SPAG16: variants seen among roughly 807,000 people sequenced by gnomAD.
The protein encoded by SPAG16 is sperm-associated antigen 16 protein.
Under a neutral mutation model 80.4 loss-of-function variants are expected in SPAG16, and 86 were observed. That is an observed-to-expected ratio of 1.07 (90% CI 0.90 to 1.28). The LOEUF is 1.28. Among genes scored for constraint, SPAG16 ranks in the 50% most tolerant of loss-of-function variants. The pLI, the probability that SPAG16 is intolerant of heterozygous loss-of-function variation, is 0.00. For missense variants in SPAG16, 870 were observed against 765.3 expected (o/e 1.14, Z -1.61); for synonymous variants, 294 against 265.9 (o/e 1.11, Z -1.03).
At chr2:213,331,144 G>A (rs1394137462) in intron 5 of SPAG16, among the ~76,000 whole-genome samples, 1 of 152,156 alleles carries the variant, frequency 6.6e-6, no homozygotes, top group Non-Finnish European at 1.5e-5. Context: ...AAGTATCTTT[G>A]CCTGTGCCTG....
At chr2:213,912,397 A>G (rs2077717660) in intron 11 of SPAG16, among the ~76,000 whole-genome samples, 1 of 152,202 alleles carries the variant, frequency 6.6e-6, no homozygotes, top group African/African-American at 2.4e-5. Context: ...AAACTATGAG[A>G]CATTTATGTA....
intron 9 of SPAG16, among the ~76,000 whole-genome samples, chr2:213,446,102 A>C (rs766733189): frequency 9.7e-4 from 148 of 152,358 alleles, no homozygotes; most frequent in Non-Finnish European, 1.1e-3. Flanking sequence ...CCGATTCCAA[A>C]GACAGAGACT....
chr2:213,799,479 T>C (rs1485922865), intron 10 of SPAG16, among the ~76,000 whole-genome samples: 4 of 152,130 alleles, frequency 2.6e-5, no homozygotes, highest in Admixed American at 2.0e-4. Context: ...CCACCCTAAA[T>C]ACATAATGAT....
chr2:213,407,886 A>G (rs111209666), intron 9 of SPAG16, among the ~76,000 whole-genome samples: 1 of 99,492 alleles, frequency 1.0e-5, no homozygotes, highest in Non-Finnish European at 2.3e-5. Flanking sequence ...AGAGAGGCAG[A>G]GAGAGAGAGA....
intron 12 of SPAG16, among the ~76,000 whole-genome samples, chr2:214,011,732 T>C (rs1243354991): frequency 6.6e-6 from 1 of 152,216 alleles, no homozygotes; most frequent in African/African-American, 2.4e-5. Context: ...ATATTCCTGA[T>C]GTATTGATTT....
chr2:213,932,340 C>G (rs890820682), intron 12 of SPAG16, among the ~76,000 whole-genome samples: 3 of 151,368 alleles, frequency 2.0e-5, no homozygotes, highest in Admixed American at 2.0e-4. Flanking sequence ...CTCAGCCTCC[C>G]GAGTAGCTGG....
In SPAG16 at chr2:213,373,435, A is replaced by T. The variant is rs192497079; in HGVS notation, c.833-1575A>T. On this transcript the variant is annotated intron_variant, in intron 8 of 15. Coordinates refer to ENST00000331683, the MANE Select transcript of SPAG16 (RefSeq NM_024532.5). ...GTTTATTCCTAAGTTTTGGTTTTAA[A>T]TGTTGAATACTGTCCTAAAATTTTA... Among the ~76,000 whole-genome samples, 214 of 152,274 alleles carry T rather than the reference A, an allele frequency of 1.4e-3. 1 individual carries two copies. Among genetic ancestry groups the T allele is most frequent in the African/African-American group, 5.0e-3 (209 of 41,574 alleles).
intron 11 of SPAG16, among the ~76,000 whole-genome samples, chr2:213,890,784 T>C (rs2106076677): frequency 6.6e-6 from 1 of 152,146 alleles, no homozygotes; most frequent in Admixed American, 6.6e-5. Flanking sequence ...TTTTTATTTA[T>C]AAAATAGCAG....
chr2:213,296,056 A>G lies in SPAG16; in HGVS notation c.137-8A>G. Reference sequence around the variant, plus strand: ...TTTTTTGAGATTAAAACTTGACAAGATATTCAGAGGTCACCATAACTGAAG... The same window carrying G: ...TTTTTTGAGATTAAAACTTGACAAGGTATTCAGAGGTCACCATAACTGAAG... On this transcript the variant is annotated splice_region_variant and splice_polypyrimidine_tract_variant and intron_variant, in intron 1 of 15. Coordinates refer to ENST00000331683, the MANE Select transcript of SPAG16 (RefSeq NM_024532.5). 2 of 1,608,054 alleles carry G rather than the reference A, an allele frequency of 1.2e-6. No homozygotes were observed. The highest frequency in any genetic ancestry group is 1.7e-6 in the Non-Finnish European group (2 of 1,175,608).
chr2:213,325,096 T>C (rs560913938), intron 5 of SPAG16, among the ~76,000 whole-genome samples: 2 of 152,244 alleles, frequency 1.3e-5, no homozygotes, highest in African/African-American at 2.4e-5. Flanking sequence ...GATCTTATAA[T>C]TGAATTGTAA....
At position 214,243,129 on chromosome 2, in the gene SPAG16, C is replaced by G. The variant is rs569473950; in HGVS notation, c.1720+93863C>G. Among the ~76,000 whole-genome samples the G allele has an allele frequency of 6.6e-5, 10 of 152,136 alleles. No homozygotes were observed. In the East Asian group the frequency reaches 1.9e-3, roughly 29 times the overall value. ...CAGGATAGAGGAAAGAGCCTAGAAA[C>G]CTGGTTCAATGTCTGGAAATATTTG... On this transcript the variant is annotated intron_variant, in intron 15 of 15. Transcript: ENST00000331683.
intron 10 of SPAG16, among the ~76,000 whole-genome samples, chr2:213,536,406 T>G (rs2076249295): frequency 6.6e-6 from 1 of 152,214 alleles, no homozygotes; most frequent in Non-Finnish European, 1.5e-5. Context: ...ATCGCCACAC[T>G]GACTTCCACA....
intron 10 of SPAG16, among the ~76,000 whole-genome samples, chr2:213,735,501 G>C (rs181523496): frequency 6.6e-6 from 1 of 152,158 alleles, no homozygotes; most frequent in Admixed American, 6.5e-5. Flanking sequence ...TCCACCATGC[G>C]ATTCATCAAC....
intron 15 of SPAG16, among the ~76,000 whole-genome samples, chr2:214,165,901 C>G (rs2056634889): frequency 6.6e-6 from 1 of 151,996 alleles, no homozygotes; most frequent in East Asian, 2.0e-4. Context: ...CATTTAGGTG[C>G]TTAATGTTAA....
intron 10 of SPAG16, among the ~76,000 whole-genome samples, chr2:213,858,963 G>A: frequency 6.6e-6 from 1 of 151,678 alleles, no homozygotes; most frequent in Non-Finnish European, 1.5e-5. Flanking sequence ...GGCGGATCAT[G>A]AGGTCAAAAG....
At chr2:213,544,129 T>C (rs973861912) in intron 10 of SPAG16, among the ~76,000 whole-genome samples, 1 of 151,994 alleles carries the variant, frequency 6.6e-6, no homozygotes, top group Non-Finnish European at 1.5e-5. Context: ...TCACTTTCTC[T>C]CCTAGTTAGT....
intron 9 of SPAG16, among the ~76,000 whole-genome samples, chr2:213,480,070 A>G (rs1041240886): frequency 2.0e-5 from 3 of 152,208 alleles, no homozygotes; most frequent in African/African-American, 7.2e-5. Context: ...GAAGTATGGA[A>G]GCATGCATTA....
At chr2:213,655,201 C>T (rs181440351) in intron 10 of SPAG16, among the ~76,000 whole-genome samples, 1 of 152,052 alleles carries the variant, frequency 6.6e-6, no homozygotes, top group Non-Finnish European at 1.5e-5. Context: ...ATATTGATGA[C>T]GAGGGAGGCT....
chr2:213,815,113 C>A (rs2072440165), intron 10 of SPAG16, among the ~76,000 whole-genome samples: 1 of 152,018 alleles, frequency 6.6e-6, no homozygotes. Flanking sequence ...AATAAATAAT[C>A]AAGATATTCT....
Sources: allele counts gnomAD v4.1 joint callset (sites outside exome capture counted in the v4.1 genomes callset), GRCh38; gene constraint gnomAD v4.1.1; transcripts MANE v1.5; gene names NCBI Gene and HGNC (gene_info 2026-07-23, HGNC 2026-07-21).